Variants in NEMP2 observed in about 807,000 individuals in gnomAD.
The protein encoded by NEMP2 is nuclear envelope integral membrane protein 2.
A neutral mutation model predicts 54.2 loss-of-function variants in NEMP2; 53 were observed. The observed-to-expected ratio is 0.98, with a 90% CI of 0.78 to 1.23. The LOEUF (loss-of-function observed/expected upper bound fraction) is 1.23. Among genes scored for constraint, NEMP2 ranks in the 50% most tolerant of loss-of-function variants. The probability of loss-of-function intolerance (pLI) is 0.00; values close to 1 mark genes in which losing one functional copy is unlikely to be tolerated. For synonymous variants in NEMP2, 197 were observed against 190.3 expected, an observed-to-expected ratio of 1.04 and a Z score of -0.29; for missense variants, 455 against 511.3, an observed-to-expected ratio of 0.89 and a Z score of 1.06.
the NEMP2 span, among the ~76,000 whole-genome samples, chr2:190,421,790 A>C: frequency 0.31 from 47,830 of 151,874 alleles, 8,312 homozygotes; most frequent in Admixed American, 0.47. Flanking sequence ...ACTTTAATTG[A>C]TCCTCTTGCC....
chr2:190,478,585 A>G, the NEMP2 span, among the ~76,000 whole-genome samples: 4 of 152,182 alleles, frequency 2.6e-5, no homozygotes, highest in Non-Finnish European at 5.9e-5. Flanking sequence ...TCTATTTAGG[A>G]TGCAGTAAGG....
the NEMP2 span, among the ~76,000 whole-genome samples, chr2:190,438,102 A>G: frequency 1.3e-5 from 2 of 152,126 alleles, no homozygotes; most frequent in Non-Finnish European, 1.5e-5. This position sits in a 1 kb window ranked among gnomAD's most constrained non-coding sequence, Gnocchi z 5.2. Context: ...GAGGTTCTTA[A>G]GTATTTTTTT....
At chr2:190,647,710 C>T in the NEMP2 span, among the ~76,000 whole-genome samples, 21 of 102,370 alleles carry the variant, frequency 2.1e-4, no homozygotes, top group South Asian at 1.3e-3. Flanking sequence ...TCTTCTTCTT[C>T]TTTTTTTTTT....
chr2:190,600,741 C>T, the NEMP2 span, among the ~76,000 whole-genome samples: 1 of 152,138 alleles, frequency 6.6e-6, no homozygotes, highest in Non-Finnish European at 1.5e-5. The surrounding 1 kb of genome is among the most constrained non-coding windows in gnomAD (Gnocchi z 4.9). Context: ...CAGTCTTGAA[C>T]CTTCCAGCCA....
the NEMP2 span, among the ~76,000 whole-genome samples, chr2:190,633,245 G>A: frequency 6.6e-6 from 1 of 151,542 alleles, no homozygotes; most frequent in African/African-American, 2.4e-5. Context: ...TCAACTCCAC[G>A]ACTAAACTGA....
rs116854295 is a variant in NEMP2 at position 190,528,466 on chromosome 2, C to T, written c.98-3088G>A. Among the ~76,000 whole-genome samples, 8 of 152,122 alleles carry T rather than the reference C, an allele frequency of 5.3e-5. No individual in the cohort carries two copies. Among genetic ancestry groups the T allele is most frequent in the African/African-American group, 1.9e-4 (8 of 41,414 alleles). ...TCAAACAAAAGTGATTCCTACCTAT[C>T]GTTGGAAAGGGAGTGCATTCCAGCA... On this transcript the variant is annotated intron_variant, in intron 1 of 8. Coordinates refer to ENST00000409150, the MANE Select transcript of NEMP2 (RefSeq NM_001142645.2). The surrounding 1 kb of genome is among the most constrained non-coding windows in gnomAD (Gnocchi z 4.3).
chr2:190,480,873 AAT>A, the NEMP2 span, among the ~76,000 whole-genome samples: 3 of 152,244 alleles, frequency 2.0e-5, no homozygotes, highest in African/African-American at 7.2e-5. Context: ...AAAAAAGTAA[AAT>A]AAATTATAAA....
At chr2:190,545,057 C>T in the NEMP2 span, among the ~76,000 whole-genome samples, 4 of 151,942 alleles carry the variant, frequency 2.6e-5, no homozygotes, top group African/African-American at 7.3e-5. Flanking sequence ...GCTATGATTA[C>T]GCCACTGCAT....
At chr2:190,483,759 C>T in the NEMP2 span, among the ~76,000 whole-genome samples, 1 of 145,240 alleles carries the variant, frequency 6.9e-6, no homozygotes, top group African/African-American at 2.6e-5. Context: ...TGCTTGAACC[C>T]AGGAGGCAGA....
At chr2:190,489,670 T>C in the NEMP2 span, 1 of 1,132,414 alleles carries the variant, frequency 8.8e-7, no homozygotes, top group South Asian at 1.5e-5. This position sits in a 1 kb window ranked among gnomAD's most constrained non-coding sequence, Gnocchi z 6.6. Context: ...TCTCAAGCTG[T>C]GCTTCCTTTG....
chr2:190,437,037 C>T, the NEMP2 span: 178 of 1,614,102 alleles, frequency 1.1e-4, 2 homozygotes, highest in South Asian at 1.9e-3. The surrounding 1 kb of genome is among the most constrained non-coding windows in gnomAD (Gnocchi z 5.9). Flanking sequence ...TGGGCTGGGG[C>T]CTGGCGATGC....
chr2:190,443,915 G>C, the NEMP2 span, among the ~76,000 whole-genome samples: 1 of 152,110 alleles, frequency 6.6e-6, no homozygotes, highest in Non-Finnish European at 1.5e-5. This position sits in a 1 kb window ranked among gnomAD's most constrained non-coding sequence, Gnocchi z 4.2. Flanking sequence ...AGCTGGGCAT[G>C]GTGTCACACG....
At chr2:190,483,337 T>C in the NEMP2 span, among the ~76,000 whole-genome samples, 5 of 152,358 alleles carry the variant, frequency 3.3e-5, no homozygotes, top group African/African-American at 1.2e-4. Flanking sequence ...ACCTAAGCTC[T>C]GAACTTGGAC....
chr2:190,643,260 A>G, the NEMP2 span, among the ~76,000 whole-genome samples: 2 of 152,220 alleles, frequency 1.3e-5, no homozygotes, highest in Admixed American at 6.5e-5. Context: ...TAAGCCTTCC[A>G]TGTGGTACCA....
chr2:190,615,798 G>A, the NEMP2 span, among the ~76,000 whole-genome samples: 3 of 152,156 alleles, frequency 2.0e-5, no homozygotes, highest in Non-Finnish European at 4.4e-5. This position sits in a 1 kb window ranked among gnomAD's most constrained non-coding sequence, Gnocchi z 4.7. Flanking sequence ...AAGCATTTTA[G>A]GAGCCTCGAG....
At chr2:190,428,309 A>T in the NEMP2 span, among the ~76,000 whole-genome samples, 61 of 152,268 alleles carry the variant, frequency 4.0e-4, no homozygotes, top group Middle Eastern at 6.8e-3. Context: ...ATGTTTATAG[A>T]TGTCTTTCGG....
chr2:190,431,948 T>G, the NEMP2 span, among the ~76,000 whole-genome samples: 1 of 152,254 alleles, frequency 6.6e-6, no homozygotes, highest in Admixed American at 6.5e-5. The surrounding 1 kb of genome is among the most constrained non-coding windows in gnomAD (Gnocchi z 4.4). Context: ...TCTTCTCTTA[T>G]TTCTGAAGAT....
At chr2:190,611,100 T>C in the NEMP2 span, 3 of 152,190 alleles carry the variant, frequency 2.0e-5, no homozygotes, top group South Asian at 2.1e-4. The surrounding 1 kb of genome is among the most constrained non-coding windows in gnomAD (Gnocchi z 5.4). Flanking sequence ...CAAAAAGTTT[T>C]AGGGTAGCCA....
the NEMP2 span, among the ~76,000 whole-genome samples, chr2:190,554,374 C>T: frequency 1.3e-5 from 2 of 152,204 alleles, no homozygotes; most frequent in African/African-American, 2.4e-5. The surrounding 1 kb of genome is among the most constrained non-coding windows in gnomAD (Gnocchi z 5.7). Flanking sequence ...AGGTCCCACC[C>T]CCACAGAGCC....
Sources: gnomAD v4.1 joint callset for allele counts (sites outside exome capture counted in the v4.1 genomes callset) on GRCh38, gnomAD v4.1.1 for gene constraint, Gnocchi (gnomAD v3.1) non-coding constraint, MANE v1.5 for transcripts, NCBI Gene and HGNC (gene_info 2026-07-23, HGNC 2026-07-21) for gene names.